The following RORA variants were observed in gnomAD, a reference collection of about 807,000 sequenced individuals.
RORA encodes the protein RAR related orphan receptor A.
Under a neutral mutation model 69.5 loss-of-function variants are expected in RORA, and 7 were observed. That is an observed-to-expected ratio of 0.10 (90% CI 0.06 to 0.19). The LOEUF (loss-of-function observed/expected upper bound fraction) is 0.19, where lower values mean the gene tolerates loss of function less well. RORA is among the 10% of genes least tolerant of loss of function. RORA has a pLI of 1.00. For missense variants in RORA, 457 were observed against 663.0 expected (o/e 0.69, Z 3.41); for synonymous variants, 261 against 240.8 (o/e 1.08, Z -0.78).
chr15:60,616,591 G>C (rs1179703873), intron 2 of RORA, among the ~76,000 whole-genome samples: 1 of 152,194 alleles, frequency 6.6e-6, no homozygotes, highest in Non-Finnish European at 1.5e-5. Context: ...AAGAATTCCA[G>C]GGGTCATGGG....
chr15:61,010,890 T>A (rs1314741947), intron 1 of RORA, among the ~76,000 whole-genome samples: 1 of 152,194 alleles, frequency 6.6e-6, no homozygotes, highest in African/African-American at 2.4e-5. Flanking sequence ...ATGAGCCTGG[T>A]TCCTTGGTTC....
chr15:60,706,593 G>A (rs1418834427), intron 1 of RORA, among the ~76,000 whole-genome samples: 2 of 152,198 alleles, frequency 1.3e-5, no homozygotes, highest in Non-Finnish European at 2.9e-5. Context: ...AGAGAGGGAA[G>A]TATTTGTCCT....
intron 2 of RORA, among the ~76,000 whole-genome samples, chr15:60,639,739 A>G (rs2069907774): frequency 6.6e-6 from 1 of 152,222 alleles, no homozygotes; most frequent in African/African-American, 2.4e-5. Flanking sequence ...GTTAAAGTGC[A>G]TAGAGCTGAG....
intron 1 of RORA, among the ~76,000 whole-genome samples, chr15:61,002,762 A>G (rs955581933): frequency 6.6e-6 from 1 of 152,078 alleles, no homozygotes; most frequent in Non-Finnish European, 1.5e-5. Context: ...GTTATTAGAT[A>G]CACCCAGCCA....
rs538186340 is a variant in RORA, at chr15:60,619,754, G to A, written c.196+58903C>T. The stretch of plus-strand genomic sequence containing the variant: ...TCATCCATCTTGACCACTTCACTGT[G>A]GCTCAGGAGCTGTGAGGTCCACCAA... On this transcript the variant is annotated intron_variant, in intron 2 of 10. Transcript: ENST00000335670. Among the ~76,000 whole-genome samples, 9 of 152,302 alleles carry A rather than the reference G, an allele frequency of 5.9e-5. No individual in the cohort carries two copies. The South Asian group carries it at 1.9e-3, about 32-fold the overall frequency.
intron 1 of RORA, among the ~76,000 whole-genome samples, chr15:60,732,816 C>T (rs1308636441): frequency 6.6e-6 from 1 of 151,500 alleles, no homozygotes; most frequent in Non-Finnish European, 1.5e-5. Context: ...CACATACTTA[C>T]AGCTACGCAC....
intron 1 of RORA, among the ~76,000 whole-genome samples, chr15:60,855,856 C>T (rs184442958): frequency 2.0e-3 from 300 of 152,324 alleles, no homozygotes; most frequent in Middle Eastern, 6.8e-3. Context: ...ACAACGTGAT[C>T]CATCCACCTC....
intron 1 of RORA, among the ~76,000 whole-genome samples, chr15:60,887,610 T>C (rs1197967839): frequency 6.6e-6 from 1 of 152,192 alleles, no homozygotes; most frequent in Non-Finnish European, 1.5e-5. Context: ...ATCAATTTCT[T>C]TCTATGTGGT....
chr15:60,806,586 T>C lies in RORA; in HGVS notation c.167-127900A>G, dbSNP rs896398615. ...CTGGGATCTATAAGACTTGGTAGTT[T>C]CATAAAGGACCTTATCTATACACTC... On this transcript the variant is annotated intron_variant, in intron 1 of 10. Transcript: ENST00000335670. 2.0e-5 allele frequency among the ~76,000 whole-genome samples: 3 copies of C among 152,324 alleles called. No individual in the cohort carries two copies. The East Asian group carries it at 5.8e-4, about 29-fold the overall frequency.
chr15:60,692,909 T>C (rs4467018), intron 1 of RORA, among the ~76,000 whole-genome samples: 66,809 of 151,650 alleles, frequency 0.44, 15,035 homozygotes, highest in Middle Eastern at 0.58. Context: ...GAAACTATTT[T>C]AAACAATTGA....
intron 1 of RORA, among the ~76,000 whole-genome samples, chr15:60,691,577 T>C (rs1200643217): frequency 6.6e-6 from 1 of 152,102 alleles, no homozygotes; most frequent in African/African-American, 2.4e-5. Context: ...GTGAGACAAG[T>C]GCTAACTGAG....
intron 1 of RORA, among the ~76,000 whole-genome samples, chr15:60,759,392 T>C (rs78517234): frequency 0.013 from 1,977 of 152,244 alleles, 28 homozygotes; most frequent in Non-Finnish European, 0.018. Context: ...CACTATAGGA[T>C]CCTCAACTGG....
intron 1 of RORA, among the ~76,000 whole-genome samples, chr15:60,968,414 G>A (rs991093058): frequency 2.0e-5 from 3 of 152,186 alleles, no homozygotes; most frequent in Admixed American, 6.5e-5. Flanking sequence ...GAACATTTTC[G>A]TTTCTAACAA....
intron 1 of RORA, among the ~76,000 whole-genome samples, chr15:61,002,617 C>A (rs1410781857): frequency 1.3e-5 from 2 of 152,126 alleles, no homozygotes; most frequent in Non-Finnish European, 2.9e-5. Flanking sequence ...AGAAACTAGT[C>A]AGCCTACTTT....
chr15:61,161,842 C>T (rs1428504988), intron 1 of RORA, among the ~76,000 whole-genome samples: 1 of 151,868 alleles, frequency 6.6e-6, no homozygotes, highest in Non-Finnish European at 1.5e-5. Context: ...CTCATGGGGT[C>T]CAAATAAAAA....
intron 2 of RORA, among the ~76,000 whole-genome samples, chr15:60,611,559 C>CAAAAAAA (rs533598270): frequency 0.026 from 918 of 35,794 alleles, 314 homozygotes; most frequent in East Asian, 0.041. Context: ...TTGAGTTTTG[C>CAAAAAAA]AAAAAAAAAA....
chr15:60,544,174 A>G (rs1189646290), intron 2 of RORA, among the ~76,000 whole-genome samples: 1 of 152,192 alleles, frequency 6.6e-6, no homozygotes, highest in Non-Finnish European at 1.5e-5. Context: ...GTTCTTAGGC[A>G]TAGTGCTGCA....
intron 2 of RORA, among the ~76,000 whole-genome samples, chr15:60,616,710 T>C (rs1446353708): frequency 6.6e-6 from 1 of 152,178 alleles, no homozygotes; most frequent in Non-Finnish European, 1.5e-5. Flanking sequence ...ATGAACTGAT[T>C]TTCCCTGAGT....
At chr15:60,707,250 T>C (rs1033755047) in intron 1 of RORA, among the ~76,000 whole-genome samples, 2 of 152,150 alleles carry the variant, frequency 1.3e-5, no homozygotes, top group Non-Finnish European at 2.9e-5. Context: ...CTGAATTCAC[T>C]CTAGCCTGCT....
Sources: gnomAD v4.1 joint callset for allele counts (sites outside exome capture counted in the v4.1 genomes callset) on GRCh38, gnomAD v4.1.1 for gene constraint, MANE v1.5 for transcripts, NCBI Gene and HGNC (gene_info 2026-07-23, HGNC 2026-07-21) for gene names.